The following CFAP58 variants were observed in gnomAD, a reference collection of about 807,000 sequenced individuals.
CFAP58 encodes the protein cilia and flagella associated protein 58, also known as cilia- and flagella-associated protein 58.
CFAP58 carries 88 observed loss-of-function variants against 119.5 expected under a neutral mutation model. That is an observed-to-expected ratio of 0.74 (90% CI 0.62 to 0.88). The LOEUF (loss-of-function observed/expected upper bound fraction) is 0.88. Ranked by LOEUF, CFAP58 falls within the 40% of genes least tolerant of loss-of-function variation. CFAP58 has a pLI of 0.00. For synonymous variants in CFAP58, 365 were observed against 366.3 expected, an observed-to-expected ratio of 1.00 and a Z score of 0.04; for missense variants, 990 against 1,021.2, an observed-to-expected ratio of 0.97 and a Z score of 0.42.
intron 15 of CFAP58, among the ~76,000 whole-genome samples, chr10:104,439,985 A>T (rs2013010063): frequency 6.6e-6 from 1 of 152,038 alleles, no homozygotes; most frequent in South Asian, 2.1e-4. Context: ...AGGCCCGGCT[A>T]ATTTTTTGTA....
At chr10:104,363,966 C>A (rs1040143358) in intron 3 of CFAP58, among the ~76,000 whole-genome samples, 2 of 152,090 alleles carry the variant, frequency 1.3e-5, no homozygotes, top group Non-Finnish European at 2.9e-5. Context: ...GAAGTCATGC[C>A]AAATCATATG....
At chr10:104,450,289 A>G (rs1377022079) in intron 17 of CFAP58, 85 bp downstream of exon 17, 4 of 1,398,384 alleles carry the variant, frequency 2.9e-6, no homozygotes, top group Non-Finnish European at 3.0e-6. Flanking sequence ...CAGAGTTGCA[A>G]GTTTCACTGG....
intron 8 of CFAP58, among the ~76,000 whole-genome samples, chr10:104,378,500 C>T (rs1214432920): frequency 3.3e-5 from 5 of 152,190 alleles, no homozygotes; most frequent in Admixed American, 3.3e-4. Flanking sequence ...TAAAGTGCCT[C>T]ATGGAACTCA....
At chr10:104,357,824 T>C (rs76091965) in intron 1 of CFAP58, among the ~76,000 whole-genome samples, 5,697 of 146,014 alleles carry the variant, frequency 0.039, 516 homozygotes, top group African/African-American at 0.13. Context: ...TGTACATATA[T>C]ACACATATAT....
intron 15 of CFAP58, among the ~76,000 whole-genome samples, chr10:104,415,976 C>T (rs778681901): frequency 1.6e-4 from 25 of 152,122 alleles, no homozygotes; most frequent in African/African-American, 2.4e-4. Context: ...CAGGCAGCAG[C>T]GTATGGTGGT....
chr10:104,450,123 A>G lies in CFAP58; in HGVS notation c.2429A>G (p.Tyr810Cys). 1 of 1,612,728 alleles carries G rather than the reference A, an allele frequency of 6.2e-7. No homozygotes were observed. Residue 810 changes from tyrosine (Y) to cysteine (C), a missense_variant, in exon 17 of 18, where the codon TAT becomes TGT. Tyr to Cys is a radical substitution (Grantham distance 194, BLOSUM62 -2). Transcript: ENST00000369704. ...MYEVQSKEYK[Y>C]EVEKLTNELQ... ...GAAGTACAGAGCAAAGAATATAAAT[A>G]TGAGGTAGAGAAACTTACCAATGAG...
At chr10:104,393,999 A>G (rs562126262) in intron 11 of CFAP58, among the ~76,000 whole-genome samples, 14 of 152,314 alleles carry the variant, frequency 9.2e-5, no homozygotes, top group African/African-American at 3.4e-4. Flanking sequence ...CCAGGTTTGT[A>G]GTTCACTTTA....
intron 15 of CFAP58, among the ~76,000 whole-genome samples, chr10:104,407,313 C>A (rs2012381027): frequency 6.6e-6 from 1 of 151,988 alleles, no homozygotes; most frequent in African/African-American, 2.4e-5. Flanking sequence ...TTCCTCACTG[C>A]CATCATCATC....
rs532532895 is a variant in CFAP58 at position 104,444,460 on chromosome 10, G to A, written c.2257-3238G>A. Reference sequence around the variant, plus strand: ...GATTCTCTTTATAATAGAATTGCACGCTTTGTCTCTAAATGGGGTTATTAT... The same window carrying A: ...GATTCTCTTTATAATAGAATTGCACACTTTGTCTCTAAATGGGGTTATTAT... On this transcript the variant is annotated intron_variant, in intron 15 of 17. Coordinates refer to ENST00000369704, the MANE Select transcript of CFAP58 (RefSeq NM_001008723.2). Among the ~76,000 whole-genome samples the A allele has an allele frequency of 4.6e-5, 7 of 152,266 alleles. No individual in the cohort carries two copies. In the South Asian group the frequency reaches 1.2e-3, roughly 27 times the overall value.
At chr10:104,348,125 C>T in the CFAP58 span, among the ~76,000 whole-genome samples, 1 of 152,138 alleles carries the variant, frequency 6.6e-6, no homozygotes, top group Non-Finnish European at 1.5e-5. Flanking sequence ...TGGCCTAGAG[C>T]ATCATGGCTT....
chr10:104,350,585 G>T (rs1219543582), upstream of CFAP58, among the ~76,000 whole-genome samples: 1 of 152,116 alleles, frequency 6.6e-6, no homozygotes, highest in Non-Finnish European at 1.5e-5. Context: ...TTCTTTGATT[G>T]CTCAGTCATA....
At chr10:104,391,259 C>T (rs538527691) in intron 9 of CFAP58, among the ~76,000 whole-genome samples, 2 of 152,218 alleles carry the variant, frequency 1.3e-5, no homozygotes, top group East Asian at 3.9e-4. Flanking sequence ...GAGATGTGGG[C>T]CCAGAGACAT....
chr10:104,430,832 T>C (rs2012833073), intron 15 of CFAP58, among the ~76,000 whole-genome samples: 1 of 152,250 alleles, frequency 6.6e-6, no homozygotes, highest in Non-Finnish European at 1.5e-5. Context: ...AATAACATTG[T>C]TTAGCACAGT....
At chr10:104,416,203 TC>T (rs1444946351) in intron 15 of CFAP58, among the ~76,000 whole-genome samples, 2 of 152,272 alleles carry the variant, frequency 1.3e-5, no homozygotes, top group Non-Finnish European at 2.9e-5. Context: ...TTAATTACGT[TC>T]GGGGGGTTTT....
At chr10:104,391,793 C>A (rs1480869620) in intron 9 of CFAP58, among the ~76,000 whole-genome samples, 1 of 152,144 alleles carries the variant, frequency 6.6e-6, no homozygotes, top group African/African-American at 2.4e-5. Flanking sequence ...AGTTCAAAGA[C>A]CATTTTTCTT....
chr10:104,417,793 C>T (rs1188163616), intron 15 of CFAP58, among the ~76,000 whole-genome samples: 1 of 152,200 alleles, frequency 6.6e-6, no homozygotes, highest in Non-Finnish European at 1.5e-5. Context: ...GCTAATGCTG[C>T]TGTTGTTTCA....
chr10:104,374,241 C>T lies in CFAP58; in HGVS notation c.1091-2570C>T, dbSNP rs1463852553. ...TTAGGAGGCTTTGGCGGGTGGATTG[C>T]TTGAGCCCGGGAGTCTGAGACCAGC... On this transcript the variant is annotated intron_variant, in intron 7 of 17. Transcript: ENST00000369704. Among the ~76,000 whole-genome samples, 3 of 151,488 alleles carry T rather than the reference C, an allele frequency of 2.0e-5. No individual in the cohort carries two copies. The East Asian group carries it at 5.8e-4, about 29-fold the overall frequency.
At chr10:104,376,726 A>T (rs773873751) in intron 7 of CFAP58, 85 bp from the exon 8 acceptor site, 67 of 999,334 alleles carry the variant, frequency 6.7e-5, no homozygotes, top group Non-Finnish European at 9.2e-5. Flanking sequence ...AAACATGTAA[A>T]GCAGTTTTTG....
At chr10:104,433,424 C>T (rs1025724408) in intron 15 of CFAP58, among the ~76,000 whole-genome samples, 2 of 152,158 alleles carry the variant, frequency 1.3e-5, no homozygotes, top group South Asian at 2.1e-4. Flanking sequence ...TTACTTTGAT[C>T]GTCAGGGTCT....
Sources: allele counts gnomAD v4.1 joint callset (sites outside exome capture counted in the v4.1 genomes callset), GRCh38; gene constraint gnomAD v4.1.1; transcripts MANE v1.5; gene names NCBI Gene and HGNC (gene_info 2026-07-23, HGNC 2026-07-21).